HPCAL1: variants seen among roughly 807,000 people sequenced by gnomAD.
HPCAL1 encodes the protein hippocalcin like 1.
Under a neutral mutation model 17.1 loss-of-function variants are expected in HPCAL1, and 8 were observed. The observed-to-expected ratio is 0.47, with a 90% CI of 0.27 to 0.84. HPCAL1 has a LOEUF of 0.84. Among genes scored for constraint, HPCAL1 ranks in the 40% least tolerant of loss-of-function variants. The probability of loss-of-function intolerance (pLI) is 0.13; values close to 1 mark genes in which losing one functional copy is unlikely to be tolerated. For missense variants in HPCAL1, 165 were observed against 271.1 expected, an observed-to-expected ratio of 0.61 and a Z score of 2.75; for synonymous variants, 112 against 111.4, an observed-to-expected ratio of 1.01 and a Z score of -0.03.
intron 1 of HPCAL1, among the ~76,000 whole-genome samples, chr2:10,364,894 C>T (rs1045184284): frequency 2.6e-5 from 4 of 152,154 alleles, no homozygotes; most frequent in East Asian, 1.9e-4. Flanking sequence ...CATCCCTCCC[C>T]GCTTTTATGT....
intron 1 of HPCAL1, among the ~76,000 whole-genome samples, chr2:10,373,339 C>G (rs962501713): frequency 6.6e-6 from 1 of 152,132 alleles, no homozygotes; most frequent in African/African-American, 2.4e-5. Context: ...GGCCTGGGCC[C>G]CCAGCAGGTC....
intron 1 of HPCAL1, among the ~76,000 whole-genome samples, chr2:10,369,457 G>T (rs1343182075): frequency 6.6e-6 from 1 of 152,222 alleles, no homozygotes; most frequent in East Asian, 1.9e-4. Context: ...CATAGTACTT[G>T]CAGGCCTGGG....
intron 4 of HPCAL1, chr2:10,423,572 C>T (rs572062781): frequency 8.2e-4 from 136 of 166,360 alleles, no homozygotes; most frequent in African/African-American, 3.1e-3. Context: ...TGTCCACCTA[C>T]AGCAGCTCTG....
rs1255115136 is a variant in HPCAL1 at position 10,323,020 on chromosome 2, C to T, written c.-111+19843C>T. 6.6e-6 allele frequency among the ~76,000 whole-genome samples: 1 copy of T among 152,172 alleles called. No individual in the cohort carries two copies. Among genetic ancestry groups the T allele is most frequent in the East Asian group, 1.9e-4 (1 of 5,200 alleles). ...CGCTGCCCCCTTCTGCTTTCCTGTC[C>T]CTCCATCGTGTTAAGCTGGTCTCTC... On this transcript the variant is annotated intron_variant, in intron 1 of 4. Transcript: ENST00000307845. The surrounding 1 kb of genome is among the most constrained non-coding windows in gnomAD (Gnocchi z 4.6).
chr2:10,310,330 G>A lies in HPCAL1; in HGVS notation c.-111+7153G>A, dbSNP rs1662876798. Among the ~76,000 whole-genome samples the A allele has an allele frequency of 6.6e-6, 1 of 152,160 alleles. No homozygotes were observed. Among genetic ancestry groups the A allele is most frequent in the African/African-American group, 2.4e-5 (1 of 41,448 alleles). On this transcript the variant is annotated intron_variant, in intron 1 of 4. Coordinates refer to ENST00000307845, the MANE Select transcript of HPCAL1 (RefSeq NM_002149.4). The surrounding 1 kb of genome is among the most constrained non-coding windows in gnomAD (Gnocchi z 4.5). ...GGTCACGTGTGGAATAAGTGGTGGT[G>A]GCTGCCATTACTCTTTAAGCATTCT...
chr2:10,415,661 G>T (rs1572856641), intron 2 of HPCAL1, among the ~76,000 whole-genome samples: 2 of 151,480 alleles, frequency 1.3e-5, no homozygotes, highest in Admixed American at 1.3e-4. Flanking sequence ...GTTTGGTCGG[G>T]TGCCCCAGGC....
At chr2:10,338,477 C>T (rs1157967575) in intron 1 of HPCAL1, among the ~76,000 whole-genome samples, 1 of 152,146 alleles carries the variant, frequency 6.6e-6, no homozygotes, top group African/African-American at 2.4e-5. Context: ...GGGATCATTC[C>T]TACTTCGTAG....
chr2:10,399,406 C>T (rs866634202), intron 2 of HPCAL1, among the ~76,000 whole-genome samples: 297 of 62,422 alleles, frequency 4.8e-3, no homozygotes, highest in Middle Eastern at 7.5e-3. Context: ...ATCACCACCA[C>T]CACCACCACC....
chr2:10,328,470 T>C (rs1272907146), intron 1 of HPCAL1, among the ~76,000 whole-genome samples: 1 of 152,210 alleles, frequency 6.6e-6, no homozygotes, highest in Non-Finnish European at 1.5e-5. Context: ...GCACACTGAG[T>C]AAGGATCTGC....
At chr2:10,381,544 C>T (rs1013962521) in intron 1 of HPCAL1, among the ~76,000 whole-genome samples, 2 of 152,212 alleles carry the variant, frequency 1.3e-5, no homozygotes, top group Non-Finnish European at 2.9e-5. Flanking sequence ...TTCTGGGCAA[C>T]TTGGGGTATC....
chr2:10,417,263 T>C (rs998494379), intron 2 of HPCAL1, among the ~76,000 whole-genome samples: 10 of 152,074 alleles, frequency 6.6e-5, no homozygotes, highest in African/African-American at 2.2e-4. Flanking sequence ...CTTGGGAGGC[T>C]GAGGCACAAG....
At chr2:10,403,379 GAC>G (rs149918210) in intron 2 of HPCAL1, among the ~76,000 whole-genome samples, 10,798 of 152,032 alleles carry the variant, frequency 0.071, 614 homozygotes, top group African/African-American at 0.15. Context: ...CAGGGTGTGT[GAC>G]ATAGCCACTG....
At chr2:10,383,356 A>G (rs1453276548) in intron 1 of HPCAL1, among the ~76,000 whole-genome samples, 1 of 151,678 alleles carries the variant, frequency 6.6e-6, no homozygotes, top group African/African-American at 2.4e-5. Context: ...TGGGTGACAG[A>G]GTGAGACCCA....
At chr2:10,410,038 C>T (rs932092161) in intron 2 of HPCAL1, among the ~76,000 whole-genome samples, 1 of 140,302 alleles carries the variant, frequency 7.1e-6, no homozygotes, top group African/African-American at 2.5e-5. Flanking sequence ...AATCCACTGC[C>T]TTGGCCTCCT....
In HPCAL1 at chr2:10,365,465, G is replaced by T. The variant is rs1350852693; in HGVS notation, c.-110-31370G>T. On this transcript the variant is annotated intron_variant, in intron 1 of 4. Transcript: ENST00000307845. The surrounding 1 kb of genome is among the most constrained non-coding windows in gnomAD (Gnocchi z 4.8). ...CTGTGCAGGAGTTGGAGGTAGAGCG[G>T]GTCGAAGGCTTGCGGAGGGACAGGT... Among the ~76,000 whole-genome samples, 1 of 152,220 alleles carries T rather than the reference G, an allele frequency of 6.6e-6. No individual in the cohort carries two copies. Among genetic ancestry groups the T allele is most frequent in the Non-Finnish European group, 1.5e-5 (1 of 68,034 alleles).
chr2:10,423,151 T>C (rs1321181404), intron 4 of HPCAL1, 63 bp downstream of exon 4: 1 of 1,248,256 alleles, frequency 8.0e-7, no homozygotes, highest in African/African-American at 1.5e-5. Flanking sequence ...CCATGTGGTT[T>C]GGGGCACCCC....
rs1052008688 is a variant in HPCAL1 at position 10,364,714 on chromosome 2, T to G, written c.-110-32121T>G. Among the ~76,000 whole-genome samples the G allele has an allele frequency of 2.6e-5, 4 of 151,994 alleles. No individual in the cohort carries two copies. The South Asian group carries it at 8.3e-4, about 32-fold the overall frequency. On this transcript the variant is annotated intron_variant, in intron 1 of 4. Coordinates refer to ENST00000307845, the MANE Select transcript of HPCAL1 (RefSeq NM_002149.4). Reference sequence around the variant, plus strand: ...GATCCTCCCACCTCAGCCTTCCAAGTAGCTGGGACTACAGGTGCATGCCCC... The same window carrying G: ...GATCCTCCCACCTCAGCCTTCCAAGGAGCTGGGACTACAGGTGCATGCCCC...
intron 1 of HPCAL1, among the ~76,000 whole-genome samples, chr2:10,341,235 G>A (rs112325488): frequency 0.065 from 9,943 of 151,994 alleles, 930 homozygotes; most frequent in African/African-American, 0.21. Flanking sequence ...TGAGGTGGGC[G>A]GATCATTTGA....
chr2:10,321,474 C>T (rs1469629321), intron 1 of HPCAL1, among the ~76,000 whole-genome samples: 2 of 151,884 alleles, frequency 1.3e-5, no homozygotes, highest in Non-Finnish European at 2.9e-5. Flanking sequence ...ATATAATTTA[C>T]ATACCATATA....
Sources: allele counts gnomAD v4.1 joint callset (sites outside exome capture counted in the v4.1 genomes callset), GRCh38; gene constraint gnomAD v4.1.1; non-coding constraint Gnocchi (gnomAD v3.1); transcripts MANE v1.5; gene names NCBI Gene and HGNC (gene_info 2026-07-23, HGNC 2026-07-21).